PRDM16: variants seen among roughly 807,000 people sequenced by gnomAD.
PRDM16 encodes the protein histone-lysine N-methyltransferase PRDM16.
Under a neutral mutation model 110.6 loss-of-function variants are expected in PRDM16, and 23 were observed. That is an observed-to-expected ratio of 0.21 (90% CI 0.15 to 0.29). PRDM16 has a LOEUF of 0.29. Among genes scored for constraint, PRDM16 ranks in the 10% least tolerant of loss-of-function variants. The probability of loss-of-function intolerance (pLI) is 1.00; values close to 1 mark genes in which losing one functional copy is unlikely to be tolerated. For missense variants in PRDM16, 1,615 were observed against 1,794.3 expected (o/e 0.90, Z 1.81); for synonymous variants, 799 against 781.8 (o/e 1.02, Z -0.37).
At chr1:3,301,332 C>CAAA (rs70938084) in intron 3 of PRDM16, among the ~76,000 whole-genome samples, 1 of 101,868 alleles carries the variant, frequency 9.8e-6, no homozygotes, top group African/African-American at 3.8e-5. Context: ...GATCCCATCT[C>CAAA]AAAAAAAAAA....
chr1:3,179,684 G>A (rs998250953), intron 1 of PRDM16, among the ~76,000 whole-genome samples: 1 of 152,108 alleles, frequency 6.6e-6, no homozygotes, highest in South Asian at 2.1e-4. Flanking sequence ...GGGGCCGCCC[G>A]CTCTCAAGGC....
intron 1 of PRDM16, among the ~76,000 whole-genome samples, chr1:3,147,959 G>T (rs187172363): frequency 3.6e-4 from 55 of 152,294 alleles, no homozygotes; most frequent in South Asian, 3.5e-3. Context: ...CTCTGATTCT[G>T]CATTGACCTC....
At chr1:3,132,599 G>T (rs982380066) in intron 1 of PRDM16, among the ~76,000 whole-genome samples, 2 of 152,090 alleles carry the variant, frequency 1.3e-5, no homozygotes, top group Non-Finnish European at 2.9e-5. Flanking sequence ...CCTTACCGAG[G>T]GGTCTCTCTG....
At chr1:3,308,488 G>A (rs1641364399) in intron 3 of PRDM16, 1 of 152,292 alleles carries the variant, frequency 6.6e-6, no homozygotes, top group Admixed American at 6.5e-5. Flanking sequence ...TAGGAGGTCA[G>A]GAACGTGGGG....
intron 1 of PRDM16, among the ~76,000 whole-genome samples, chr1:3,176,823 T>TTCAGCCAC (rs1644096808): frequency 6.6e-6 from 1 of 150,826 alleles, no homozygotes; most frequent in Non-Finnish European, 1.5e-5. Context: ...CACCCACCCA[T>TTCAGCCAC]CCATTCATCC....
chr1:3,347,965 G>T (rs928776439), intron 3 of PRDM16, among the ~76,000 whole-genome samples: 2 of 152,058 alleles, frequency 1.3e-5, no homozygotes, highest in Non-Finnish European at 2.9e-5. Context: ...ACTGAGTTCC[G>T]TGAGCCTCTG....
At chr1:3,331,647 C>T (rs573597274) in intron 3 of PRDM16, among the ~76,000 whole-genome samples, 1 of 152,196 alleles carries the variant, frequency 6.6e-6, no homozygotes, top group Admixed American at 6.5e-5. Flanking sequence ...CCAGAGGAAT[C>T]CTGGTGCCCA....
chr1:3,359,942 C>A lies in PRDM16; in HGVS notation c.439-25210C>A, dbSNP rs1192536641. Among the ~76,000 whole-genome samples, 2 of 152,246 alleles carry A rather than the reference C, an allele frequency of 1.3e-5. No individual in the cohort carries two copies. The highest frequency in any genetic ancestry group is 4.8e-5 in the African/African-American group (2 of 41,470). ...ACGGCAGCCAGCTCCTCACAGAAGG[C>A]CGCCCGGCTCAGAACAGGTCCCTTC... On this transcript the variant is annotated intron_variant, in intron 3 of 16. Coordinates refer to ENST00000270722, the MANE Select transcript of PRDM16 (RefSeq NM_022114.4). This position sits in a 1 kb window ranked among gnomAD's most constrained non-coding sequence, Gnocchi z 4.3.
chr1:3,181,914 AGTCTTACACATG>A (rs949512338), intron 1 of PRDM16, among the ~76,000 whole-genome samples: 2 of 105,762 alleles, frequency 1.9e-5, no homozygotes, highest in Non-Finnish European at 2.2e-5. Context: ...TTACACACGC[AGTCTTACACATG>A]GTCTTACACA....
intron 1 of PRDM16, among the ~76,000 whole-genome samples, chr1:3,118,489 G>A (rs1446500474): frequency 6.6e-6 from 1 of 152,192 alleles, no homozygotes; most frequent in East Asian, 1.9e-4. Flanking sequence ...TTGGATTCCG[G>A]GTAGTGTGGC....
intron 2 of PRDM16, among the ~76,000 whole-genome samples, chr1:3,202,683 G>A (rs781575128): frequency 1.1e-4 from 17 of 152,254 alleles, no homozygotes; most frequent in Admixed American, 8.5e-4. Flanking sequence ...TGAGGTTTTC[G>A]AAAAGCGATG....
rs1009074474 is a variant in PRDM16, at chr1:3,069,809, C to T, written c.37+513C>T. Among the ~76,000 whole-genome samples, 3 of 152,008 alleles carry T rather than the reference C, an allele frequency of 2.0e-5. No homozygotes were observed. The highest frequency in any genetic ancestry group is 7.2e-5 in the African/African-American group (3 of 41,400). On this transcript the variant is annotated intron_variant, in intron 1 of 16. Transcript: ENST00000270722. The surrounding 1 kb of genome is among the most constrained non-coding windows in gnomAD (Gnocchi z 6.1). ...AGCACCGCCTTTGGCGTCCGCCAGC[C>T]GGGCGCAGAGGAGGGAGACCCCGAG...
chr1:3,412,144 TG>T lies in PRDM16; in HGVS notation c.1952del (p.Gly651AlafsTer33). 1 of 1,561,432 alleles carries T rather than the reference TG, an allele frequency of 6.4e-7. No individual in the cohort carries two copies. Among genetic ancestry groups the T allele is most frequent in the Non-Finnish European group, 8.7e-7 (1 of 1,154,454 alleles). Reference sequence around the variant, plus strand: ...AGTCCGCCGAGGGCCAGCCCAAGTTTGGGGGCGGCTTGGCGCCCCCGGGGGC... The same window carrying T: ...AGTCCGCCGAGGGCCAGCCCAAGTTTGGGGCGGCTTGGCGCCCCCGGGGGC... ...GKSAEGQPKF[G>X]GGLAPPGAPN... On this transcript the variant is annotated frameshift_variant, in exon 9 of 17. Transcript: ENST00000270722. LOFTEE classifies it high-confidence loss of function.
chr1:3,430,005 G>A (rs961009915), intron 14 of PRDM16, among the ~76,000 whole-genome samples: 1 of 152,202 alleles, frequency 6.6e-6, no homozygotes, highest in Admixed American at 6.5e-5. Context: ...AGGAAGAGTG[G>A]CCCTGGGGCT....
intron 3 of PRDM16, among the ~76,000 whole-genome samples, chr1:3,372,024 G>A (rs1011449601): frequency 1.6e-4 from 24 of 152,248 alleles, no homozygotes; most frequent in African/African-American, 4.1e-4. Context: ...GCTCAAATGT[G>A]TCTGGTCCTC....
At chr1:3,415,735 C>T (rs866905507) in intron 10 of PRDM16, among the ~76,000 whole-genome samples, 2 of 152,224 alleles carry the variant, frequency 1.3e-5, no homozygotes, top group Non-Finnish European at 2.9e-5. Context: ...CTGCCCGCTG[C>T]CCCCACGGGC....
chr1:3,144,893 AG>A (rs1643616879), intron 1 of PRDM16, among the ~76,000 whole-genome samples: 4 of 152,184 alleles, frequency 2.6e-5, no homozygotes, highest in African/African-American at 9.7e-5. Flanking sequence ...GCTGGCAGTC[AG>A]GTAAACCCAG....
At position 3,430,852 on chromosome 1, in the gene PRDM16, C is replaced by G. The variant is rs1445400863; in HGVS notation, c.3285-20C>G. On this transcript the variant is annotated intron_variant, in intron 14 of 16. Coordinates refer to ENST00000270722, the MANE Select transcript of PRDM16 (RefSeq NM_022114.4). ...ACAGAGACACCCAAACTCAGTCAATCTCCTCCTGCATCATTTCAGGGCGGA... is the reference window on the plus strand; with the variant it reads ...ACAGAGACACCCAAACTCAGTCAATGTCCTCCTGCATCATTTCAGGGCGGA... 6.2e-7 allele frequency: 1 copy of G among 1,611,880 alleles called. No individual in the cohort carries two copies. Among genetic ancestry groups the G allele is most frequent in the Non-Finnish European group, 8.5e-7 (1 of 1,178,306 alleles).
At chr1:3,159,118 C>T (rs968483542) in intron 1 of PRDM16, among the ~76,000 whole-genome samples, 10 of 152,222 alleles carry the variant, frequency 6.6e-5, no homozygotes, top group South Asian at 6.2e-4. Context: ...ATCGGTATTC[C>T]GCCAGGGACA....
Sources: allele counts gnomAD v4.1 joint callset (sites outside exome capture counted in the v4.1 genomes callset), GRCh38; gene constraint gnomAD v4.1.1; non-coding constraint Gnocchi (gnomAD v3.1); transcripts MANE v1.5; gene names NCBI Gene and HGNC (gene_info 2026-07-23, HGNC 2026-07-21).